Variants in RABGAP1L observed in about 807,000 individuals in gnomAD.
RABGAP1L encodes rab GTPase-activating protein 1-like.
Under a neutral mutation model 137.7 loss-of-function variants are expected in RABGAP1L, and 63 were observed. The observed-to-expected ratio is 0.46, with a 90% CI of 0.37 to 0.56. The LOEUF is 0.56. Among genes scored for constraint, RABGAP1L ranks in the 20% least tolerant of loss-of-function variants. RABGAP1L has a pLI of 0.00. For synonymous variants in RABGAP1L, 431 were observed against 433.7 expected, an observed-to-expected ratio of 0.99 and a Z score of 0.08; for missense variants, 1,095 against 1,244.0, an observed-to-expected ratio of 0.88 and a Z score of 1.80.
At chr1:174,502,547 AAC>A (rs965990064) in intron 13 of RABGAP1L, among the ~76,000 whole-genome samples, 2 of 148,064 alleles carry the variant, frequency 1.4e-5, no homozygotes, top group African/African-American at 5.0e-5. Context: ...ACTCAAGAGA[AAC>A]AGAGATAATG....
chr1:174,311,622 T>C (rs528219935), intron 11 of RABGAP1L, among the ~76,000 whole-genome samples: 9 of 152,206 alleles, frequency 5.9e-5, no homozygotes, highest in Non-Finnish European at 1.2e-4. Context: ...TTTTATTTTT[T>C]TGAGATGGAG....
chr1:174,711,710 G>A (rs535445495), intron 17 of RABGAP1L, among the ~76,000 whole-genome samples: 48 of 152,298 alleles, frequency 3.2e-4, no homozygotes, highest in Admixed American at 6.5e-4. Context: ...GCTCCCGCAC[G>A]CCCGAGCCTC....
intron 19 of RABGAP1L, among the ~76,000 whole-genome samples, chr1:174,944,309 G>A (rs1401417036): frequency 6.7e-6 from 1 of 149,704 alleles, no homozygotes; most frequent in Admixed American, 6.6e-5. Flanking sequence ...AAGTTGTATG[G>A]ATAAGCTTTT....
intron 11 of RABGAP1L, among the ~76,000 whole-genome samples, chr1:174,326,655 A>G (rs1279194717): frequency 6.6e-6 from 1 of 152,182 alleles, no homozygotes; most frequent in African/African-American, 2.4e-5. Context: ...AGAAGCAATA[A>G]AAGAAAATTT....
intron 11 of RABGAP1L, among the ~76,000 whole-genome samples, chr1:174,333,870 G>A (rs995617052): frequency 6.6e-6 from 1 of 152,114 alleles, no homozygotes; most frequent in African/African-American, 2.4e-5. Flanking sequence ...CAAAGGAGTG[G>A]GAAGCTCAGT....
At chr1:174,327,963 A>ATATATATATATACG (rs1474150519) in intron 11 of RABGAP1L, among the ~76,000 whole-genome samples, 23 of 13,634 alleles carry the variant, frequency 1.7e-3, no homozygotes, top group African/African-American at 0.017. Flanking sequence ...GTAAATATAT[A>ATATATATATATACG]TATATATATA....
intron 15 of RABGAP1L, among the ~76,000 whole-genome samples, chr1:174,695,885 T>C (rs1285469814): frequency 3.3e-5 from 5 of 152,242 alleles, no homozygotes; most frequent in African/African-American, 1.2e-4. Flanking sequence ...CTTGGTGGGC[T>C]TGGGTAAGAT....
At chr1:174,265,607 A>G (rs940138249) in intron 7 of RABGAP1L, among the ~76,000 whole-genome samples, 2 of 151,732 alleles carry the variant, frequency 1.3e-5, no homozygotes, top group African/African-American at 4.8e-5. Flanking sequence ...TGCATTTTAA[A>G]TTTTGACCCT....
chr1:174,892,280 T>A (rs931443442), intron 19 of RABGAP1L: 5 of 332,924 alleles, frequency 1.5e-5, no homozygotes, highest in South Asian at 2.5e-5. Flanking sequence ...AGCACACTTA[T>A]CAAGTGGGTC....
At chr1:174,749,986 C>T (rs555837849) in intron 17 of RABGAP1L, among the ~76,000 whole-genome samples, 10 of 152,248 alleles carry the variant, frequency 6.6e-5, no homozygotes, top group East Asian at 1.9e-4. Flanking sequence ...TCTCCTGCTT[C>T]GGCCTCCCAA....
Position 174,636,971 on chromosome 1 carries a change from C to T in RABGAP1L, c.1711-404C>T, listed in dbSNP as rs111362212. ...CAGTAAATTATGATATATCTATATCCAGATATACCTTATTTTTAAAAAGTA... is the reference window on the plus strand; with the variant it reads ...CAGTAAATTATGATATATCTATATCTAGATATACCTTATTTTTAAAAAGTA... On this transcript the variant is annotated intron_variant, in intron 13 of 25. Coordinates refer to ENST00000681986, the MANE Select transcript of RABGAP1L (RefSeq NM_001366446.1). Among the ~76,000 whole-genome samples the T allele has an allele frequency of 2.0e-5, 3 of 152,074 alleles. 1 individual carries two copies. The highest frequency in any genetic ancestry group is 7.2e-5 in the African/African-American group (3 of 41,486).
At chr1:174,433,442 C>A (rs1251466965) in intron 13 of RABGAP1L, among the ~76,000 whole-genome samples, 1 of 152,126 alleles carries the variant, frequency 6.6e-6, no homozygotes, top group African/African-American at 2.4e-5. Context: ...TAAATATACA[C>A]GTAAATTAGT....
chr1:174,175,963 C>T (rs775977596), intron 1 of RABGAP1L, among the ~76,000 whole-genome samples: 10 of 152,078 alleles, frequency 6.6e-5, no homozygotes, highest in Non-Finnish European at 1.5e-4. Flanking sequence ...GTATTACTAA[C>T]AGTTTAGCGA....
At chr1:174,438,744 GTATATATATATA>G (rs71117563) in intron 13 of RABGAP1L, among the ~76,000 whole-genome samples, 4,817 of 95,458 alleles carry the variant, frequency 0.05, 217 homozygotes, top group Middle Eastern at 0.16. Context: ...GTGTGTGTGT[GTATATATATATA>G]TATATATATA....
At chr1:174,702,076 T>C in intron 16 of RABGAP1L, 37 bp from the exon 17 acceptor site, 1 of 1,591,268 alleles carries the variant, frequency 6.3e-7, no homozygotes, top group Non-Finnish European at 8.5e-7. Context: ...TGCTGCAAGC[T>C]TCTCATTGCT....
At chr1:174,427,142 T>TTGTGTG (rs1289862039) in intron 13 of RABGAP1L, among the ~76,000 whole-genome samples, 70 of 115,588 alleles carry the variant, frequency 6.1e-4, no homozygotes, top group African/African-American at 2.3e-3. Flanking sequence ...CTCCGCATGT[T>TTGTGTG]TATGTGTGTG....
At chr1:174,566,393 G>C (rs1443348084) in intron 13 of RABGAP1L, among the ~76,000 whole-genome samples, 1 of 152,084 alleles carries the variant, frequency 6.6e-6, no homozygotes, top group African/African-American at 2.4e-5. Flanking sequence ...GAGAACTTCT[G>C]GTGGTAATTG....
chr1:174,742,000 C>T (rs1238271128), intron 17 of RABGAP1L, among the ~76,000 whole-genome samples: 1 of 141,576 alleles, frequency 7.1e-6, no homozygotes, highest in Non-Finnish European at 1.5e-5. Context: ...GATAGCACTA[C>T]TATGCTCCAG....
intron 14 of RABGAP1L, among the ~76,000 whole-genome samples, chr1:174,681,087 G>A (rs1331938981): frequency 1.3e-5 from 2 of 152,184 alleles, no homozygotes; most frequent in African/African-American, 4.8e-5. Context: ...AGGAAGTGAA[G>A]CAAGGGGTGC....
Sources: gnomAD v4.1 joint callset for allele counts (sites outside exome capture counted in the v4.1 genomes callset) on GRCh38, gnomAD v4.1.1 for gene constraint, MANE v1.5 for transcripts, NCBI Gene and HGNC (gene_info 2026-07-23, HGNC 2026-07-21) for gene names.